Variants in SLC25A26 observed in about 807,000 individuals in gnomAD.
The protein encoded by SLC25A26 is solute carrier family 25 member 26, also known as mitochondrial S-adenosylmethionine carrier protein.
In SLC25A26, 36 loss-of-function variants were observed where a neutral mutation model predicts 37.8. The observed-to-expected ratio is 0.95, with a 90% CI of 0.73 to 1.26. The LOEUF is 1.26. Ranked by LOEUF, SLC25A26 falls within the 50% of genes most tolerant of loss-of-function variation. The probability of loss-of-function intolerance (pLI) is 0.00; values close to 1 mark genes in which losing one functional copy is unlikely to be tolerated. For synonymous variants in SLC25A26, 129 were observed against 122.5 expected (o/e 1.05, Z -0.35); for missense variants, 390 against 331.1 (o/e 1.18, Z -1.38).
intron 6 of SLC25A26, among the ~76,000 whole-genome samples, chr3:66,362,020 G>C (rs2076719564): frequency 6.6e-6 from 1 of 152,092 alleles, no homozygotes; most frequent in Non-Finnish European, 1.5e-5. Context: ...ACACTTGCTA[G>C]AATGATTAAA....
chr3:66,209,485 A>G (rs1465620827), intron 1 of SLC25A26, among the ~76,000 whole-genome samples: 1 of 142,274 alleles, frequency 7.0e-6, no homozygotes, highest in Non-Finnish European at 1.5e-5. Flanking sequence ...GTGTATACAT[A>G]TACTTTTATA....
At chr3:66,179,410 T>A (rs2070652717) in intron 1 of SLC25A26, among the ~76,000 whole-genome samples, 1 of 152,236 alleles carries the variant, frequency 6.6e-6, no homozygotes, top group Admixed American at 6.5e-5. Flanking sequence ...GGCAACATTA[T>A]GAAACGTTTC....
At chr3:66,220,944 C>G (rs1396659694), upstream of SLC25A26, 10 of 823,716 alleles carry the variant, frequency 1.2e-5, no homozygotes, top group Non-Finnish European at 1.6e-5. Context: ...CCAGGTGTCT[C>G]GCGTTGCACG....
intron 1 of SLC25A26, among the ~76,000 whole-genome samples, chr3:66,208,692 G>GTATATATATATACACATTTATATGGGTA (rs2071215040): frequency 3.2e-5 from 4 of 125,030 alleles, no homozygotes; most frequent in Admixed American, 8.2e-5. Context: ...ATTTATATGG[G>GTATATATATATACACATTTATATGGGTA]TATATATATA....
chr3:66,364,933 A>C (rs2076793608), intron 7 of SLC25A26, among the ~76,000 whole-genome samples: 1 of 152,228 alleles, frequency 6.6e-6, no homozygotes, highest in Admixed American at 6.5e-5. Context: ...ACATATATTT[A>C]GCAAAAGATA....
At chr3:66,161,591 C>A (rs536843066) in intron 1 of SLC25A26, among the ~76,000 whole-genome samples, 51 of 152,116 alleles carry the variant, frequency 3.4e-4, no homozygotes, top group Non-Finnish European at 5.9e-4. Flanking sequence ...TCGAAGTTAG[C>A]GAGTTCAGGT....
chr3:66,221,191 C>G (rs36196715), intron 1 of SLC25A26, 64 bp downstream of exon 1: 1,327,551 of 1,471,072 alleles, frequency 0.9, 600,223 homozygotes, highest in Middle Eastern at 0.94. Flanking sequence ...AGCCCGCGGG[C>G]GTTCTCTGCA....
chr3:66,247,230 A>G (rs913978281), intron 3 of SLC25A26, among the ~76,000 whole-genome samples: 2 of 151,646 alleles, frequency 1.3e-5, no homozygotes, highest in African/African-American at 4.8e-5. Context: ...TACACATGAA[A>G]TACTTCTTGA....
chr3:66,239,682 C>G (rs1458208791), intron 2 of SLC25A26, among the ~76,000 whole-genome samples: 2 of 152,140 alleles, frequency 1.3e-5, no homozygotes, highest in South Asian at 2.1e-4. Context: ...GTAAGTATGC[C>G]TTTATTATAG....
chr3:66,170,864 C>T (rs919747130), intron 1 of SLC25A26, among the ~76,000 whole-genome samples: 2 of 114,138 alleles, frequency 1.8e-5, no homozygotes, highest in African/African-American at 3.4e-5. Flanking sequence ...AGTGCAGTGG[C>T]GGGATCTCGG....
chr3:66,242,156 A>C (rs565619794), intron 2 of SLC25A26, among the ~76,000 whole-genome samples: 1 of 152,196 alleles, frequency 6.6e-6, no homozygotes, highest in Non-Finnish European at 1.5e-5. Context: ...TAACCATGAA[A>C]TGGAGGAAGT....
chr3:66,257,859 A>G (rs1173027136), intron 3 of SLC25A26, among the ~76,000 whole-genome samples: 1 of 151,776 alleles, frequency 6.6e-6, no homozygotes, highest in South Asian at 2.1e-4. Context: ...CACCCCAGCC[A>G]CTCTATGGAA....
chr3:66,133,725 T>A (rs2069904931), exon 1 of SLC25A26: 1 of 152,202 alleles, frequency 6.6e-6, no homozygotes, highest in African/African-American at 2.4e-5. Context: ...GCTGAGATGA[T>A]GGCAGTTAGA....
At chr3:66,209,560 C>A (rs1250268100) in intron 1 of SLC25A26, among the ~76,000 whole-genome samples, 1 of 132,112 alleles carries the variant, frequency 7.6e-6, no homozygotes, top group African/African-American at 2.8e-5. Context: ...ATATATATAC[C>A]TTTTATATAC....
At position 66,290,764 on chromosome 3, in the gene SLC25A26, C is replaced by T. The variant is rs572063959; in HGVS notation, c.453+27385C>T. 2.6e-5 allele frequency among the ~76,000 whole-genome samples: 4 copies of T among 152,102 alleles called. 1 individual carries two copies. Among genetic ancestry groups the T allele is most frequent in the South Asian group, 4.1e-4 (2 of 4,820 alleles). ...CATTCATGTTCATCGGGGTTATTGG[C>T]CTGAAATTTTCTTTTTTTGTTGTGT... On this transcript the variant is annotated intron_variant, in intron 5 of 9. Transcript: ENST00000354883.
intron 1 of SLC25A26, among the ~76,000 whole-genome samples, chr3:66,202,531 G>GA (rs1177179044): frequency 0.22 from 19,158 of 86,326 alleles, 1,571 homozygotes; most frequent in East Asian, 0.33. Context: ...AAAGTAAAAT[G>GA]AAAAAAAAAA....
In SLC25A26 at chr3:66,356,277, C is replaced by T. The variant is rs187764611; in HGVS notation, c.499-6583C>T. 2.1e-4 allele frequency among the ~76,000 whole-genome samples: 32 copies of T among 152,260 alleles called. No homozygotes were observed. In the East Asian group the frequency reaches 5.4e-3, roughly 26 times the overall value. On this transcript the variant is annotated intron_variant, in intron 6 of 9. Coordinates refer to ENST00000354883, the MANE Select transcript of SLC25A26 (RefSeq NM_001379210.1). Reference sequence around the variant, plus strand: ...TAGTATTGTGCCTGGTGTTGGCTTTCTGGCCTATGACTACTGGTGCTAATA... The same window carrying T: ...TAGTATTGTGCCTGGTGTTGGCTTTTTGGCCTATGACTACTGGTGCTAATA...
At chr3:66,347,694 A>G (rs935747846) in intron 6 of SLC25A26, among the ~76,000 whole-genome samples, 18 of 152,236 alleles carry the variant, frequency 1.2e-4, no homozygotes, top group Admixed American at 1.3e-4. Context: ...TTGCAGCACT[A>G]TTTATAATAG....
chr3:66,286,851 C>T (rs116017860), intron 5 of SLC25A26, among the ~76,000 whole-genome samples: 10,129 of 151,978 alleles, frequency 0.067, 382 homozygotes, highest in African/African-American at 0.081. Flanking sequence ...TTAATAGAGG[C>T]GGGGTCTCAC....
Sources: gnomAD v4.1 joint callset for allele counts (sites outside exome capture counted in the v4.1 genomes callset) on GRCh38, gnomAD v4.1.1 for gene constraint, MANE v1.5 for transcripts, NCBI Gene and HGNC (gene_info 2026-07-23, HGNC 2026-07-21) for gene names.